PDK4: variants seen among roughly 807,000 people sequenced by gnomAD.
PDK4 encodes the protein pyruvate dehydrogenase kinase 4.
In PDK4, 43 loss-of-function variants were observed where a neutral mutation model predicts 51.7. The observed-to-expected ratio is 0.83, with a 90% confidence interval of 0.65 to 1.07. The LOEUF (loss-of-function observed/expected upper bound fraction) is 1.07, where lower values mean the gene tolerates loss of function less well. Ranked by LOEUF, PDK4 falls within the 50% of genes least tolerant of loss-of-function variation. The pLI, the probability that PDK4 is intolerant of heterozygous loss-of-function variation, is 0.00. For synonymous variants in PDK4, 170 were observed against 176.6 expected, an observed-to-expected ratio of 0.96 and a Z score of 0.30; for missense variants, 498 against 503.5, an observed-to-expected ratio of 0.99 and a Z score of 0.10.
intron 7 of PDK4, among the ~76,000 whole-genome samples, chr7:95,588,840 C>T (rs1159456578): frequency 4.6e-5 from 7 of 152,208 alleles, no homozygotes; most frequent in Non-Finnish European, 8.8e-5. Flanking sequence ...TGATTCTTAG[C>T]ACCTGGCTGC....
intron 1 of PDK4, 151 bp from the exon 2 acceptor site, chr7:95,595,315 G>A (rs777461831): frequency 7.7e-6 from 4 of 517,108 alleles, no homozygotes; most frequent in African/African-American, 3.9e-5. Context: ...ATTCAGGGGC[G>A]ATTGTCTCCT....
chr7:95,587,285 T>A, intron 9 of PDK4, 133 bp downstream of exon 9: 1 of 727,776 alleles, frequency 1.4e-6, no homozygotes, highest in Non-Finnish European at 2.4e-6. Context: ...TAGCTTGCTT[T>A]ATCATTCATT....
At chr7:95,594,743 T>C (rs1791594971) in intron 2 of PDK4, 1 of 214,388 alleles carries the variant, frequency 4.7e-6, no homozygotes, top group South Asian at 1.8e-4. Flanking sequence ...TCTTCTATAA[T>C]TGAAAATTAA....
rs754294855 is a variant in PDK4 at position 95,585,792 on chromosome 7, AG to A, written c.1096-12del. The A allele has an allele frequency of 6.3e-7, 1 of 1,575,304 alleles. No individual in the cohort carries two copies. The highest frequency in any genetic ancestry group is 8.7e-7 in the Non-Finnish European group (1 of 1,151,940). On this transcript the variant is annotated splice_polypyrimidine_tract_variant and intron_variant, in intron 10 of 10. Transcript: ENST00000005178. Reference sequence around the variant, plus strand: ...CTCAGAAGACAAAGCCTAAAAGAAAAGGGGGGAAAAACATGAGACCAAAGAA... The same window carrying A: ...CTCAGAAGACAAAGCCTAAAAGAAAAGGGGGAAAAACATGAGACCAAAGAA...
In PDK4 at chr7:95,596,153, T is replaced by A; in HGVS notation, c.130+11A>T. On this transcript the variant is annotated intron_variant, in intron 1 of 10. Coordinates refer to ENST00000005178, the MANE Select transcript of PDK4 (RefSeq NM_002612.4). ...CCTAGGACCCAGCTTGGGCCCTGTG[T>A]CCCCTCTCACCAAAGTCCAGTAGCT... 1 of 1,599,036 alleles carries A rather than the reference T, an allele frequency of 6.3e-7. No individual in the cohort carries two copies. The highest frequency in any genetic ancestry group is 1.1e-5 in the South Asian group (1 of 89,860).
chr7:95,593,811 G>T, intron 2 of PDK4, 41 bp from the exon 3 acceptor site: 2 of 873,178 alleles, frequency 2.3e-6, no homozygotes, highest in Non-Finnish European at 3.8e-6. Flanking sequence ...AAAATTAATA[G>T]TCAGATACAA....
In PDK4 at chr7:95,593,785, G is replaced by A. The variant is rs774230024; in HGVS notation, c.273-15C>T. On this transcript the variant is annotated splice_polypyrimidine_tract_variant and intron_variant, in intron 2 of 10. Transcript: ENST00000005178. ...TCTGTATATACCTGTAAAGAAACAG[G>A]TATGCTTTAAGTTTTAAAATTAATA... 1 of 1,309,128 alleles carries A rather than the reference G, an allele frequency of 7.6e-7. No individual in the cohort carries two copies. The highest frequency in any genetic ancestry group is 1.1e-6 in the Non-Finnish European group (1 of 918,770). The allele number at this position is 1,309,128 out of a possible 1,614,324, so 81.1% of individuals were successfully genotyped here. A position where few individuals can be genotyped will look rare whatever the true frequency, so the allele number is the denominator to read the frequency against.
Position 95,595,010 on chromosome 7 carries a change from G to T in PDK4, c.272+13C>A, listed in dbSNP as rs1346442776. 1.3e-6 allele frequency: 2 copies of T among 1,597,232 alleles called. No homozygotes were observed. Among genetic ancestry groups the T allele is most frequent in the Non-Finnish European group, 1.7e-6 (2 of 1,168,038 alleles). Reference sequence around the variant, plus strand: ...TTTCAAAACTAGAGACTTCAATATGGTTCACCACTTACCAGCTTTTAACCA... The same window carrying T: ...TTTCAAAACTAGAGACTTCAATATGTTTCACCACTTACCAGCTTTTAACCA... On this transcript the variant is annotated intron_variant, in intron 2 of 10. Transcript: ENST00000005178.
chr7:95,595,433 A>C (rs1328783809), intron 1 of PDK4, among the ~76,000 whole-genome samples: 1 of 152,192 alleles, frequency 6.6e-6, no homozygotes, highest in Non-Finnish European at 1.5e-5. Flanking sequence ...CACTTCCAAG[A>C]AGTAAGAATA....
intron 10 of PDK4, 89 bp from the exon 11 acceptor site, chr7:95,585,870 A>T (rs779522073): frequency 4.4e-6 from 5 of 1,144,410 alleles, no homozygotes; most frequent in Non-Finnish European, 6.3e-6. Flanking sequence ...ATACATTCAG[A>T]GGTAAGTATC....
In PDK4 at chr7:95,592,031, C is replaced by T. The variant is rs747960246; in HGVS notation, c.651G>A (p.Gln217=). The change falls in exon 6 of 11, where the codon CAG becomes CAA. Residue 217 remains glutamine (Q), a synonymous_variant. Transcript: ENST00000005178. ...AFECSRMLCD[Q]YYLSSPELKL... ...TTAATTCTGGAGATGATAAATAATA[C>T]TGATCACAGAGCATCCTTGAACACT... The T allele has an allele frequency of 2.0e-5, 31 of 1,583,606 alleles. No homozygotes were observed. The highest frequency in any genetic ancestry group is 2.7e-5 in the Non-Finnish European group (31 of 1,163,434).
At chr7:95,594,269 T>G (rs1224813398) in intron 2 of PDK4, among the ~76,000 whole-genome samples, 2 of 152,174 alleles carry the variant, frequency 1.3e-5, no homozygotes, top group Admixed American at 1.3e-4. Context: ...AAGGGTCTCA[T>G]GCATGTCTGC....
chr7:95,595,682 C>T (rs1402182076), intron 1 of PDK4, among the ~76,000 whole-genome samples: 1 of 152,086 alleles, frequency 6.6e-6, no homozygotes, highest in African/African-American at 2.4e-5. Context: ...ATATGGAAAA[C>T]TATAATGATA....
chr7:95,585,598 G>A lies in PDK4; in HGVS notation c.*43C>T. 6.4e-7 allele frequency: 1 copy of A among 1,564,224 alleles called. No individual in the cohort carries two copies. Among genetic ancestry groups the A allele is most frequent in the South Asian group, 1.2e-5 (1 of 85,622 alleles). On this transcript the variant is annotated 3_prime_UTR_variant, in exon 11 of 11. Coordinates refer to ENST00000005178, the MANE Select transcript of PDK4 (RefSeq NM_002612.4). ...CAAACATTCAGGAAGCAGCACTGGT[G>A]TAGACCCACTTTGATCCCGTAAAGT...
At chr7:95,588,555 A>G (rs1028900211) in intron 7 of PDK4, among the ~76,000 whole-genome samples, 7 of 152,186 alleles carry the variant, frequency 4.6e-5, no homozygotes, top group African/African-American at 1.7e-4. Flanking sequence ...AAATAATATT[A>G]AGTTCTAGTC....
chr7:95,591,743 C>T (rs1248788561), intron 6 of PDK4, among the ~76,000 whole-genome samples: 1 of 152,150 alleles, frequency 6.6e-6, no homozygotes, highest in East Asian at 1.9e-4. Flanking sequence ...ATAGTTGCTA[C>T]TTTAATCCCA....
chr7:95,587,101 GGC>G lies in PDK4; in HGVS notation c.1002_1003del (p.Leu334PhefsTer36). Reference sequence around the variant, plus strand: ...GTACTTTGCATACAGACGAGAAATTGGCAAGCCGTAACCAAAACCAGCCTAGA... The same window carrying G: ...GTACTTTGCATACAGACGAGAAATTGAAGCCGTAACCAAAACCAGCCTAGA... On this transcript the variant is annotated frameshift_variant, in exon 10 of 11. Transcript: ENST00000005178. LOFTEE classifies it high-confidence loss of function. The G allele has an allele frequency of 6.2e-7, 1 of 1,609,988 alleles. No homozygotes were observed. Among genetic ancestry groups the G allele is most frequent in the Non-Finnish European group, 8.5e-7 (1 of 1,177,136 alleles).
At chr7:95,587,969 A>T (rs963631849) in intron 7 of PDK4, 144 bp from the exon 8 acceptor site, 1 of 627,494 alleles carries the variant, frequency 1.6e-6, no homozygotes, top group East Asian at 2.7e-5. Flanking sequence ...ACAGCTTTGT[A>T]AATAGCCATT....
At chr7:95,592,700 T>C (rs2116717695) in intron 4 of PDK4, 60 bp downstream of exon 4, 3 of 1,407,676 alleles carry the variant, frequency 2.1e-6, no homozygotes, top group Non-Finnish European at 3.0e-6. Flanking sequence ...CATCTAGTTA[T>C]AGTATGGCTT....
Sources: allele counts gnomAD v4.1 joint callset (sites outside exome capture counted in the v4.1 genomes callset), GRCh38; gene constraint gnomAD v4.1.1; transcripts MANE v1.5; gene names NCBI Gene and HGNC (gene_info 2026-07-23, HGNC 2026-07-21).